Variants in GATC observed in about 807,000 individuals in gnomAD.
GATC encodes glutamyl-tRNA amidotransferase subunit C.
In GATC, 11 loss-of-function variants were observed where a neutral mutation model predicts 14.4. The observed-to-expected ratio is 0.77, with a 90% CI of 0.48 to 1.27. The LOEUF (loss-of-function observed/expected upper bound fraction) is 1.27, where lower values mean the gene tolerates loss of function less well. Ranked by LOEUF, GATC falls within the 50% of genes most tolerant of loss-of-function variation. The pLI is 0.00. For missense variants in GATC, 204 were observed against 183.0 expected (o/e 1.11, Z -0.66); for synonymous variants, 76 against 79.3 (o/e 0.96, Z 0.22).
At chr12:120,456,466 AGTT>A (rs1442623941) in intron 2 of GATC, among the ~76,000 whole-genome samples, 2 of 152,118 alleles carry the variant, frequency 1.3e-5, no homozygotes, top group Non-Finnish European at 2.9e-5. Flanking sequence ...TCTTGTGGCA[AGTT>A]TGCTTCCCCA....
chr12:120,454,883 C>A, intron 2 of GATC: 1 of 252,282 alleles, frequency 4.0e-6, no homozygotes, highest in Non-Finnish European at 8.6e-6. Flanking sequence ...TCTAGTACAA[C>A]TCTCTTTTGT....
At chr12:120,451,669 G>A (rs1377051234) in intron 2 of GATC, among the ~76,000 whole-genome samples, 2 of 144,354 alleles carry the variant, frequency 1.4e-5, no homozygotes, top group African/African-American at 5.1e-5. Context: ...TTGAACCTGG[G>A]GAGCAGAGGT....
intron 3 of GATC, 98 bp downstream of exon 3, chr12:120,457,277 T>A: frequency 1.1e-6 from 1 of 873,714 alleles, no homozygotes; most frequent in Non-Finnish European, 1.9e-6. Flanking sequence ...GAAGGCACTT[T>A]GAAAAGGATG....
intron 2 of GATC, among the ~76,000 whole-genome samples, chr12:120,448,259 G>A (rs1009453056): frequency 6.6e-6 from 1 of 151,450 alleles, no homozygotes; most frequent in Non-Finnish European, 1.5e-5. Flanking sequence ...GTCTTGCCAT[G>A]TTGCCCCATA....
intron 2 of GATC, among the ~76,000 whole-genome samples, chr12:120,447,415 C>G (rs1039982826): frequency 1.3e-5 from 2 of 152,102 alleles, no homozygotes; most frequent in African/African-American, 2.4e-5. Context: ...GAGTCCCTAC[C>G]TACTCACTCC....
Position 120,460,059 on chromosome 12 carries a change from C to T in GATC, c.*100C>T. 1.2e-6 allele frequency: 1 copy of T among 848,772 alleles called. No individual in the cohort carries two copies. The highest frequency in any genetic ancestry group is 1.9e-6 in the Non-Finnish European group (1 of 529,134). The allele number at this position is 848,772 out of a possible 1,614,324, so 52.6% of individuals were successfully genotyped here. On this transcript the variant is annotated 3_prime_UTR_variant, in exon 4 of 4. Coordinates refer to ENST00000551765, the MANE Select transcript of GATC (RefSeq NM_176818.3). ...TAATGTTCCTGCTTTTTTCAGTCCC[C>T]TGAAAAAATGGATGCTCAAGCATTT...
At chr12:120,454,924 G>A in intron 2 of GATC, 1 of 396,548 alleles carries the variant, frequency 2.5e-6, no homozygotes, top group Non-Finnish European at 5.2e-6. Context: ...GTCTCACTCT[G>A]TCACCCAGGT....
intron 2 of GATC, among the ~76,000 whole-genome samples, chr12:120,454,690 CAG>C (rs1240313641): frequency 2.0e-5 from 3 of 152,014 alleles, no homozygotes; most frequent in Non-Finnish European, 4.4e-5. Context: ...GCTGGGATCA[CAG>C]GCATGAGGCA....
intron 2 of GATC, among the ~76,000 whole-genome samples, chr12:120,448,188 C>G (rs1877930183): frequency 6.6e-6 from 1 of 151,874 alleles, no homozygotes; most frequent in Non-Finnish European, 1.5e-5. Context: ...TCCCAAATAG[C>G]TGGGACTATA....
chr12:120,454,755 C>T (rs1284571200), intron 2 of GATC, among the ~76,000 whole-genome samples: 2 of 151,768 alleles, frequency 1.3e-5, no homozygotes, highest in Non-Finnish European at 2.9e-5. Flanking sequence ...AAACTATAAA[C>T]TCCAGAAAGT....
At chr12:120,452,981 C>G (rs996778265) in intron 2 of GATC, among the ~76,000 whole-genome samples, 1 of 152,170 alleles carries the variant, frequency 6.6e-6, no homozygotes, top group African/African-American at 2.4e-5. Flanking sequence ...TAGATGTGAG[C>G]CACCTTGCCT....
At chr12:120,451,872 A>ATTATTTTTTTTTT (rs1555219520) in intron 2 of GATC, among the ~76,000 whole-genome samples, 1 of 88,088 alleles carries the variant, frequency 1.1e-5, no homozygotes, top group Non-Finnish European at 2.3e-5. Flanking sequence ...AATTATATAA[A>ATTATTTTTTTTTT]TTCTTTTTTT....
intron 2 of GATC, among the ~76,000 whole-genome samples, chr12:120,453,570 C>G (rs1228836328): frequency 6.6e-6 from 1 of 152,120 alleles, no homozygotes; most frequent in Non-Finnish European, 1.5e-5. Flanking sequence ...ATCTGAAAAG[C>G]TCATCTGGTC....
intron 3 of GATC, among the ~76,000 whole-genome samples, chr12:120,457,680 C>T (rs1328816613): frequency 6.8e-6 from 1 of 147,774 alleles, no homozygotes; most frequent in Non-Finnish European, 1.5e-5. Flanking sequence ...AATCTCGGCT[C>T]ACCGCAACCT....
rs745603265 is a variant in GATC, at chr12:120,462,170, G to A, written c.*2211G>A. ...GATGTAGGAAGTTTCACCCTGAAATGCAAACAAAAACAAAAAGAGTAAAGG... is the reference window on the plus strand; with the variant it reads ...GATGTAGGAAGTTTCACCCTGAAATACAAACAAAAACAAAAAGAGTAAAGG... On this transcript the variant is annotated 3_prime_UTR_variant, in exon 4 of 4. Coordinates refer to ENST00000551765, the MANE Select transcript of GATC (RefSeq NM_176818.3). The A allele has an allele frequency of 1.2e-4, 194 of 1,602,750 alleles. No homozygotes were observed. Among genetic ancestry groups the A allele is most frequent in the Non-Finnish European group, 1.0e-5 (12 of 1,175,190 alleles).
At chr12:120,448,111 G>A (rs1490062452) in intron 2 of GATC, among the ~76,000 whole-genome samples, 3 of 151,878 alleles carry the variant, frequency 2.0e-5, no homozygotes, top group Admixed American at 1.3e-4. Context: ...CCTTTGGGAC[G>A]GGGTCTCACT....
chr12:120,453,802 C>A (rs1473938117), intron 2 of GATC, among the ~76,000 whole-genome samples: 2 of 150,634 alleles, frequency 1.3e-5, no homozygotes, highest in African/African-American at 4.9e-5. Context: ...GGCAACACAG[C>A]AAGACCCTGT....
chr12:120,454,689 A>G (rs1265356179), intron 2 of GATC, among the ~76,000 whole-genome samples: 3 of 151,934 alleles, frequency 2.0e-5, no homozygotes, highest in Non-Finnish European at 4.4e-5. Flanking sequence ...TGCTGGGATC[A>G]CAGGCATGAG....
At chr12:120,454,887 C>T (rs1565914047) in intron 2 of GATC, 1 of 266,874 alleles carries the variant, frequency 3.7e-6, no homozygotes. Flanking sequence ...GTACAACTCT[C>T]TTTTGTGTGT....
Sources: allele counts gnomAD v4.1 joint callset (sites outside exome capture counted in the v4.1 genomes callset), GRCh38; gene constraint gnomAD v4.1.1; transcripts MANE v1.5; gene names NCBI Gene and HGNC (gene_info 2026-07-23, HGNC 2026-07-21).